SNTG1: variants seen among roughly 807,000 people sequenced by gnomAD.
SNTG1 encodes the protein gamma-1-syntrophin.
SNTG1 carries 39 observed loss-of-function variants against 74.7 expected under a neutral mutation model. The ratio of observed to expected loss-of-function variants is 0.52; its 90% CI spans 0.40 to 0.68. The LOEUF (loss-of-function observed/expected upper bound fraction) is 0.68. Among genes scored for constraint, SNTG1 ranks in the 30% least tolerant of loss-of-function variants. SNTG1 has a pLI of 0.00. For synonymous variants in SNTG1, 254 were observed against 217.1 expected (o/e 1.17, Z -1.49); for missense variants, 685 against 609.5 (o/e 1.12, Z -1.30).
At chr8:50,730,415 C>A (rs1019041404) in intron 17 of SNTG1, among the ~76,000 whole-genome samples, 4 of 152,108 alleles carry the variant, frequency 2.6e-5, no homozygotes, top group Non-Finnish European at 4.4e-5. Flanking sequence ...ATTATTTCTG[C>A]TTTTATTATT....
intron 1 of SNTG1, among the ~76,000 whole-genome samples, chr8:49,930,101 A>G (rs1807425260): frequency 6.6e-6 from 1 of 152,140 alleles, no homozygotes; most frequent in Non-Finnish European, 1.5e-5. Flanking sequence ...CTGCTTCGAA[A>G]ACAATTTATA....
intron 8 of SNTG1, among the ~76,000 whole-genome samples, chr8:50,481,383 A>AAAC (rs201369630): frequency 7.2e-5 from 11 of 152,120 alleles, no homozygotes; most frequent in Non-Finnish European, 1.5e-4. Flanking sequence ...TCCATCTCAA[A>AAAC]AACAACAACA....
At chr8:50,303,571 A>G (rs1416459624) in intron 2 of SNTG1, among the ~76,000 whole-genome samples, 1 of 152,220 alleles carries the variant, frequency 6.6e-6, no homozygotes, top group East Asian at 1.9e-4. Context: ...AGAACATATT[A>G]CATCTTCTAG....
At chr8:50,176,366 G>A (rs2082999915) in intron 2 of SNTG1, among the ~76,000 whole-genome samples, 1 of 152,152 alleles carries the variant, frequency 6.6e-6, no homozygotes, top group Non-Finnish European at 1.5e-5. Flanking sequence ...TTCTAGTGTT[G>A]TCTGTCACAG....
intron 1 of SNTG1, among the ~76,000 whole-genome samples, chr8:49,959,713 C>G (rs1810509576): frequency 6.6e-6 from 1 of 152,094 alleles, no homozygotes; most frequent in Admixed American, 6.5e-5. Flanking sequence ...AATATTTCAC[C>G]TGTTTCTACT....
chr8:50,210,059 G>T (rs2084441746), intron 2 of SNTG1, among the ~76,000 whole-genome samples: 1 of 152,280 alleles, frequency 6.6e-6, no homozygotes, highest in South Asian at 2.1e-4. Context: ...GAAAACCATG[G>T]CACGAGAACT....
intron 2 of SNTG1, among the ~76,000 whole-genome samples, chr8:50,311,481 A>T (rs574792054): frequency 2.0e-5 from 3 of 152,208 alleles, no homozygotes; most frequent in South Asian, 2.1e-4. Flanking sequence ...GGATCCCTTG[A>T]GTGGATACAT....
intron 1 of SNTG1, among the ~76,000 whole-genome samples, chr8:50,035,466 G>A (rs368217925): frequency 6.6e-6 from 1 of 152,156 alleles, no homozygotes; most frequent in African/African-American, 2.4e-5. Context: ...TTTTCTGGGT[G>A]TACATTTTTT....
At chr8:50,230,227 C>T (rs987845575) in intron 2 of SNTG1, among the ~76,000 whole-genome samples, 1 of 151,128 alleles carries the variant, frequency 6.6e-6, no homozygotes, top group African/African-American at 2.4e-5. Flanking sequence ...ATCAATGAAA[C>T]TGAAAACAGA....
intron 2 of SNTG1, among the ~76,000 whole-genome samples, chr8:50,385,478 C>T (rs931659596): frequency 1.3e-5 from 2 of 152,194 alleles, no homozygotes; most frequent in Non-Finnish European, 2.9e-5. Context: ...TTATTTCCCA[C>T]TTTCTGACAC....
chr8:50,128,210 A>G (rs2081206510), intron 1 of SNTG1, among the ~76,000 whole-genome samples: 1 of 152,152 alleles, frequency 6.6e-6, no homozygotes, highest in South Asian at 2.1e-4. Context: ...TTATGTTTTA[A>G]TTCTATCTCC....
rs1307992034 is a variant in SNTG1 at position 50,242,883 on chromosome 8, AAAAT to A, written c.-28+70255_-28+70258del. Among the ~76,000 whole-genome samples, 17 of 152,018 alleles carry A rather than the reference AAAAT, an allele frequency of 1.1e-4. No homozygotes were observed. In the East Asian group the frequency reaches 1.9e-3, roughly 17 times the overall value. ...CTTTTATTTATTTATGTGCTTATAG[AAAAT>A]AAATAATGTATGTTTTTAGAATAGC... On this transcript the variant is annotated intron_variant, in intron 2 of 18. Transcript: ENST00000642720.
chr8:49,949,792 T>C (rs1384448184), intron 1 of SNTG1, among the ~76,000 whole-genome samples: 3 of 152,176 alleles, frequency 2.0e-5, no homozygotes, highest in African/African-American at 7.2e-5. Flanking sequence ...CTAGTTATGT[T>C]TTTGTGGTCA....
At chr8:50,538,524 C>G (rs999464153) in intron 11 of SNTG1, among the ~76,000 whole-genome samples, 2 of 152,116 alleles carry the variant, frequency 1.3e-5, no homozygotes, top group African/African-American at 4.8e-5. Flanking sequence ...ATATGTTAGG[C>G]ATTAATGTCT....
intron 1 of SNTG1, among the ~76,000 whole-genome samples, chr8:50,146,447 G>A (rs1426804423): frequency 6.6e-6 from 1 of 152,168 alleles, no homozygotes; most frequent in Non-Finnish European, 1.5e-5. Context: ...GTACCTGGGA[G>A]GGGGAGGTTG....
rs1359617489 is a variant in SNTG1, at chr8:50,419,367, C to T, written c.162+17023C>T. On this transcript the variant is annotated intron_variant, in intron 4 of 18. Coordinates refer to ENST00000642720, the MANE Select transcript of SNTG1 (RefSeq NM_018967.5). ...CCTCACCAGGCTGCACTGATGTTCT[C>T]CAGCTCTGTCTGCCAAGGTGGTATT... Among the ~76,000 whole-genome samples, 3 of 152,276 alleles carry T rather than the reference C, an allele frequency of 2.0e-5. No individual in the cohort carries two copies. In the East Asian group the frequency reaches 5.8e-4, roughly 29 times the overall value.
intron 2 of SNTG1, among the ~76,000 whole-genome samples, chr8:50,211,354 T>C (rs1423705066): frequency 6.6e-6 from 1 of 152,190 alleles, no homozygotes; most frequent in African/African-American, 2.4e-5. Context: ...GTAAGATCTT[T>C]GTTATCAGAG....
Position 50,438,536 on chromosome 8 carries a change from C to G in SNTG1, c.163-7C>G. On this transcript the variant is annotated splice_polypyrimidine_tract_variant and splice_region_variant and intron_variant, in intron 4 of 18. Coordinates refer to ENST00000642720, the MANE Select transcript of SNTG1 (RefSeq NM_018967.5). ...CACTAACCATTCTTAAAAATCCTGT[C>G]TTTCAGGAAAGAACGGTGACCATCA... is the stretch of plus-strand genomic sequence containing the variant. The G allele has an allele frequency of 6.2e-7, 1 of 1,612,394 alleles. No individual in the cohort carries two copies. The highest frequency in any genetic ancestry group is 1.1e-5 in the South Asian group (1 of 91,030).
intron 10 of SNTG1, 149 bp from the exon 11 acceptor site, chr8:50,536,529 C>T (rs1259606161): frequency 7.0e-6 from 6 of 853,118 alleles, no homozygotes; most frequent in South Asian, 1.9e-5. Flanking sequence ...CTTTAGTGTC[C>T]ATAATTTGGA....
Sources: gnomAD v4.1 joint callset for allele counts (sites outside exome capture counted in the v4.1 genomes callset) on GRCh38, gnomAD v4.1.1 for gene constraint, MANE v1.5 for transcripts, NCBI Gene and HGNC (gene_info 2026-07-23, HGNC 2026-07-21) for gene names.